The following PDZRN4 variants were observed in gnomAD, a reference collection of about 807,000 sequenced individuals.
PDZRN4 encodes the protein PDZ domain containing ring finger 4, also known as PDZ domain-containing RING finger protein 4.
PDZRN4 carries 70 observed loss-of-function variants against 99.0 expected under a neutral mutation model. The observed-to-expected ratio is 0.71, with a 90% CI of 0.58 to 0.86. The LOEUF (loss-of-function observed/expected upper bound fraction) is 0.86, where lower values mean the gene tolerates loss of function less well. Among genes scored for constraint, PDZRN4 ranks in the 40% least tolerant of loss-of-function variants. The pLI is 0.00. For missense variants in PDZRN4, 1,474 were observed against 1,331.2 expected (o/e 1.11, Z -1.67); for synonymous variants, 551 against 501.6 (o/e 1.10, Z -1.32).
chr12:41,389,491 A>G (rs1356280456), intron 3 of PDZRN4, among the ~76,000 whole-genome samples: 6 of 152,242 alleles, frequency 3.9e-5, no homozygotes, highest in Non-Finnish European at 8.8e-5. Context: ...TTAAATCCAT[A>G]TTTACTTGTT....
At chr12:41,473,680 C>T (rs1348816567) in intron 3 of PDZRN4, among the ~76,000 whole-genome samples, 1 of 152,144 alleles carries the variant, frequency 6.6e-6, no homozygotes, top group South Asian at 2.1e-4. Flanking sequence ...GCCCTGGTGA[C>T]CTGCTTACTA....
chr12:41,531,395 T>G (rs1382231723), intron 5 of PDZRN4, among the ~76,000 whole-genome samples: 1 of 152,156 alleles, frequency 6.6e-6, no homozygotes, highest in Non-Finnish European at 1.5e-5. Flanking sequence ...CAAGTCCAGC[T>G]GCTTGTGTGT....
rs1245243254 is a variant in PDZRN4, at chr12:41,431,858, T to C, written c.844-74598T>C. The stretch of plus-strand genomic sequence containing the variant: ...AGGAGGGGATGACACATGGGAACTA[T>C]TAGCAGAAGCATCTTTCTAAATTCA... On this transcript the variant is annotated intron_variant, in intron 3 of 9. Transcript: ENST00000402685. 2.0e-5 allele frequency among the ~76,000 whole-genome samples: 3 copies of C among 152,224 alleles called. No individual in the cohort carries two copies. The East Asian group carries it at 5.8e-4, about 29-fold the overall frequency.
At chr12:41,286,800 T>C (rs1951425538) in intron 3 of PDZRN4, among the ~76,000 whole-genome samples, 1 of 152,192 alleles carries the variant, frequency 6.6e-6, no homozygotes, top group Admixed American at 6.5e-5. Context: ...ATGACTCTGA[T>C]GATGTATTAT....
chr12:41,222,807 G>A (rs962842576), intron 3 of PDZRN4, among the ~76,000 whole-genome samples: 4 of 152,154 alleles, frequency 2.6e-5, no homozygotes, highest in East Asian at 1.9e-4. Flanking sequence ...TTACAGGCAT[G>A]AGCCACCACA....
intron 3 of PDZRN4, among the ~76,000 whole-genome samples, chr12:41,329,640 A>ATATAATTG (rs1377116771): frequency 1.3e-5 from 2 of 152,070 alleles, no homozygotes; most frequent in Admixed American, 6.6e-5. Context: ...TTTTTCTTTA[A>ATATAATTG]TATAATTGTA....
At chr12:41,521,259 T>G (rs544568298) in intron 5 of PDZRN4, among the ~76,000 whole-genome samples, 1 of 152,124 alleles carries the variant, frequency 6.6e-6, no homozygotes, top group Non-Finnish European at 1.5e-5. Context: ...TTTTCTTCAT[T>G]CTGTAAAACA....
chr12:41,516,465 C>T (rs898044661), intron 5 of PDZRN4, among the ~76,000 whole-genome samples: 4 of 151,998 alleles, frequency 2.6e-5, no homozygotes, highest in African/African-American at 9.7e-5. Flanking sequence ...TGGAGAATAA[C>T]AATTTGAAAT....
chr12:41,235,778 AT>A (rs1303229782), intron 3 of PDZRN4, among the ~76,000 whole-genome samples: 2 of 152,196 alleles, frequency 1.3e-5, no homozygotes, highest in Non-Finnish European at 2.9e-5. Context: ...CTTTGATGAA[AT>A]GCATAGATAT....
chr12:41,254,466 A>G (rs1221225373), intron 3 of PDZRN4, among the ~76,000 whole-genome samples: 6 of 152,214 alleles, frequency 3.9e-5, no homozygotes, highest in Non-Finnish European at 5.9e-5. Context: ...ATCTTTCTGA[A>G]TAATAGTTTC....
intron 3 of PDZRN4, among the ~76,000 whole-genome samples, chr12:41,234,885 G>A (rs1951055284): frequency 6.6e-6 from 1 of 151,986 alleles, no homozygotes. Context: ...ATAAATATGG[G>A]ACTAATTGAA....
At chr12:41,368,731 T>C (rs929328569) in intron 3 of PDZRN4, among the ~76,000 whole-genome samples, 1 of 152,108 alleles carries the variant, frequency 6.6e-6, no homozygotes, top group Non-Finnish European at 1.5e-5. Context: ...TATTTGTTCT[T>C]TAAAGGAATG....
At chr12:41,384,622 A>G (rs558973313) in intron 3 of PDZRN4, among the ~76,000 whole-genome samples, 4 of 152,268 alleles carry the variant, frequency 2.6e-5, no homozygotes, top group Admixed American at 1.3e-4. Context: ...TGAGTATACT[A>G]TAACTGTTGA....
At position 41,211,374 on chromosome 12, in the gene PDZRN4, T is replaced by C. The variant is rs145395135; in HGVS notation, c.843+17186T>C. On this transcript the variant is annotated intron_variant, in intron 3 of 9. Transcript: ENST00000402685. ...TTTTAAGAGAAAATCTGTTGTAGAA[T>C]ATAAAGGAGGTTCTTATCTCTTTTA... Among the ~76,000 whole-genome samples the C allele has an allele frequency of 6.8e-3, 1,038 of 152,156 alleles. 7 individuals are homozygous for C. The highest frequency in any genetic ancestry group is 0.024 in the African/African-American group (997 of 41,568).
intron 2 of PDZRN4, among the ~76,000 whole-genome samples, chr12:41,192,451 G>A (rs1463836112): frequency 2.0e-5 from 3 of 152,128 alleles, no homozygotes; most frequent in African/African-American, 7.2e-5. Flanking sequence ...GGTTCTCTTT[G>A]CTACTTTAAA....
At chr12:41,514,638 T>G (rs143700580) in intron 5 of PDZRN4, among the ~76,000 whole-genome samples, 126 of 152,206 alleles carry the variant, frequency 8.3e-4, no homozygotes, top group African/African-American at 2.9e-3. Context: ...TCAACGCATA[T>G]TTCATGAAGG....
intron 3 of PDZRN4, among the ~76,000 whole-genome samples, chr12:41,385,077 G>A (rs896742398): frequency 5.9e-5 from 9 of 152,144 alleles, no homozygotes; most frequent in Non-Finnish European, 1.5e-5. Flanking sequence ...ATCCCCTGCA[G>A]CATTTAAAAA....
At chr12:41,557,811 G>T (rs1201394622) in intron 7 of PDZRN4, among the ~76,000 whole-genome samples, 1 of 152,076 alleles carries the variant, frequency 6.6e-6, no homozygotes, top group Non-Finnish European at 1.5e-5. Context: ...CTCCTTCAGT[G>T]AGCTCCCGAA....
intron 3 of PDZRN4, among the ~76,000 whole-genome samples, chr12:41,220,102 A>G (rs954150175): frequency 6.6e-6 from 1 of 151,920 alleles, no homozygotes; most frequent in East Asian, 1.9e-4. Context: ...CTCTTCCCCC[A>G]CCTGCCTCTG....
Sources: gnomAD v4.1 joint callset for allele counts (sites outside exome capture counted in the v4.1 genomes callset) on GRCh38, gnomAD v4.1.1 for gene constraint, MANE v1.5 for transcripts, NCBI Gene and HGNC (gene_info 2026-07-23, HGNC 2026-07-21) for gene names.